OCIAD1: variants seen among roughly 807,000 people sequenced by gnomAD.
OCIAD1 encodes the protein OCIA domain containing 1.
In OCIAD1, 29 loss-of-function variants were observed where a neutral mutation model predicts 38.9. The observed-to-expected ratio is 0.74, with a 90% CI of 0.55 to 1.02. OCIAD1 has a LOEUF of 1.02. Ranked by LOEUF, OCIAD1 falls within the 50% of genes least tolerant of loss-of-function variation. The probability of loss-of-function intolerance (pLI) is 0.00; values close to 1 mark genes in which losing one functional copy is unlikely to be tolerated. For synonymous variants in OCIAD1, 110 were observed against 92.0 expected (o/e 1.20, Z -1.12); for missense variants, 288 against 289.6 (o/e 0.99, Z 0.04).
chr4:48,851,774 ATTTC>A (rs1202781357), intron 6 of OCIAD1, 28 bp from the exon 7 acceptor site: 2 of 1,328,046 alleles, frequency 1.5e-6, no homozygotes, highest in African/African-American at 1.4e-5. Context: ...AATGACTCAT[ATTTC>A]TTACTACAAT....
intron 7 of OCIAD1, among the ~76,000 whole-genome samples, chr4:48,854,700 C>T (rs1182808825): frequency 1.3e-5 from 2 of 152,176 alleles, no homozygotes; most frequent in Non-Finnish European, 2.9e-5. Flanking sequence ...GCCTTCTGAC[C>T]CCCTTCTCTA....
chr4:48,853,122 G>A (rs11724391), intron 7 of OCIAD1, among the ~76,000 whole-genome samples: 3,741 of 151,766 alleles, frequency 0.025, 57 homozygotes, highest in South Asian at 0.067. Context: ...CTCGTGATCC[G>A]CCCGCCTCGG....
At chr4:48,818,206 C>T (rs113880950) in intron 1 of OCIAD1, among the ~76,000 whole-genome samples, 63 of 152,264 alleles carry the variant, frequency 4.1e-4, no homozygotes, top group Admixed American at 2.8e-3. Flanking sequence ...CCCTCTGGGA[C>T]GAAACTTCCA....
rs1348928923 is a variant in OCIAD1, at chr4:48,842,948, C to G, written c.193+259C>G. ...TAACTAAACACCAGTATTAGCAGGG[C>G]AAACCTGGTCTAGGTGGGCCAATAG... is the stretch of plus-strand genomic sequence containing the variant. On this transcript the variant is annotated intron_variant, in intron 4 of 8. Coordinates refer to ENST00000264312, the MANE Select transcript of OCIAD1 (RefSeq NM_017830.4). Among the ~76,000 whole-genome samples, 3 of 152,118 alleles carry G rather than the reference C, an allele frequency of 2.0e-5. No homozygotes were observed. The East Asian group carries it at 5.8e-4, about 29-fold the overall frequency.
chr4:48,849,341 T>C (rs1466299745), intron 5 of OCIAD1, among the ~76,000 whole-genome samples: 3 of 152,072 alleles, frequency 2.0e-5, no homozygotes, highest in Admixed American at 2.0e-4. Flanking sequence ...AGAAGCTACA[T>C]TGCTCTTCAA....
chr4:48,818,902 C>G lies in OCIAD1; in HGVS notation c.-102-11675C>G, dbSNP rs575241297. 2.6e-5 allele frequency among the ~76,000 whole-genome samples: 4 copies of G among 152,050 alleles called. No individual in the cohort carries two copies. The South Asian group carries it at 8.3e-4, about 32-fold the overall frequency. On this transcript the variant is annotated intron_variant, in intron 1 of 6. Coordinates refer to the OCIAD1 transcript ENST00000504654. ...AAATAATGAAAAGGAATGAAAAAAA[C>G]CTTCAAGAAATATGTGACTATGTGA... is the stretch of plus-strand genomic sequence containing the variant.
In OCIAD1 at chr4:48,831,118, G is replaced by C; in HGVS notation, c.-137G>C. 3.5e-6 allele frequency: 1 copy of C among 283,220 alleles called. No homozygotes were observed. Among genetic ancestry groups the C allele is most frequent in the South Asian group, 3.2e-5 (1 of 31,610 alleles). The allele number at this position is 283,220 out of a possible 1,614,324, so 17.5% of individuals were successfully genotyped here. ...CCTGTCTGGATGACTTCTTGCGGCTGTTCTACCCCTCCCCCTCCCCGCGGT... is the reference window on the plus strand; with the variant it reads ...CCTGTCTGGATGACTTCTTGCGGCTCTTCTACCCCTCCCCCTCCCCGCGGT... On this transcript the variant is annotated 5_prime_UTR_variant, in exon 1 of 9. Transcript: ENST00000264312.
intron 1 of OCIAD1, among the ~76,000 whole-genome samples, chr4:48,807,298 T>C (rs1392233325): frequency 6.6e-6 from 1 of 151,096 alleles, no homozygotes; most frequent in Non-Finnish European, 1.5e-5. Context: ...CCAGCCTGGG[T>C]GAAGAGCAAG....
chr4:48,837,473 G>T (rs1778110558), intron 3 of OCIAD1, among the ~76,000 whole-genome samples: 1 of 150,840 alleles, frequency 6.6e-6, no homozygotes, highest in Admixed American at 6.6e-5. Context: ...TTGTATTTTT[G>T]GTAGAGAAGG....
chr4:48,852,891 T>TTTTGTTTTTTTTG (rs1553901219), intron 7 of OCIAD1, among the ~76,000 whole-genome samples: 1 of 144,358 alleles, frequency 6.9e-6, no homozygotes, highest in African/African-American at 2.7e-5. Flanking sequence ...TGTTTTTTTT[T>TTTTGTTTTTTTTG]TTTTTTTTGA....
intron 3 of OCIAD1, among the ~76,000 whole-genome samples, chr4:48,837,756 G>A (rs1350995150): frequency 6.6e-6 from 1 of 151,874 alleles, no homozygotes; most frequent in Non-Finnish European, 1.5e-5. Context: ...GTGTGATAGA[G>A]GGGATTTGGG....
chr4:48,815,137 C>A lies in OCIAD1; in HGVS notation c.-103+9807C>A, dbSNP rs993042037. ...GACCAGTCTGGCCAACATAGTGAAACCCCATCTCTACTAAAAATACAAAAA... is the reference window on the plus strand; with the variant it reads ...GACCAGTCTGGCCAACATAGTGAAAACCCATCTCTACTAAAAATACAAAAA... On this transcript the variant is annotated intron_variant, in intron 1 of 6. Transcript: ENST00000504654. 9.2e-5 allele frequency among the ~76,000 whole-genome samples: 14 copies of A among 152,128 alleles called. 1 individual carries two copies. Among genetic ancestry groups the A allele is most frequent in the Middle Eastern group, 3.4e-3 (1 of 294 alleles).
At chr4:48,829,707 A>G (rs998587302), upstream of OCIAD1, among the ~76,000 whole-genome samples, 2 of 152,192 alleles carry the variant, frequency 1.3e-5, no homozygotes, top group African/African-American at 4.8e-5. Flanking sequence ...GGGAACAGCA[A>G]TTGCACAAGC....
Position 48,847,577 on chromosome 4 carries a change from G to T in OCIAD1, c.194-822G>T, listed in dbSNP as rs1779077816. ...AAATTTTTAAGCCATCTGGATTATTGTTCGATGTAGGATCAAGGTACATTT... is the reference window on the plus strand; with the variant it reads ...AAATTTTTAAGCCATCTGGATTATTTTTCGATGTAGGATCAAGGTACATTT... On this transcript the variant is annotated intron_variant, in intron 4 of 8. Coordinates refer to ENST00000264312, the MANE Select transcript of OCIAD1 (RefSeq NM_017830.4). Among the ~76,000 whole-genome samples the T allele has an allele frequency of 2.6e-5, 4 of 152,098 alleles. No individual in the cohort carries two copies. The South Asian group carries it at 8.3e-4, about 32-fold the overall frequency.
intron 8 of OCIAD1, among the ~76,000 whole-genome samples, chr4:48,859,176 GTT>G (rs1476547002): frequency 6.6e-6 from 1 of 151,992 alleles, no homozygotes; most frequent in Non-Finnish European, 1.5e-5. Flanking sequence ...TTGGAGTTCT[GTT>G]TTTATAACAA....
At position 48,855,162 on chromosome 4, in the gene OCIAD1, T is replaced by C. The variant is rs139740410; in HGVS notation, c.548-2051T>C. Among the ~76,000 whole-genome samples the C allele has an allele frequency of 4.7e-3, 723 of 152,294 alleles. 6 individuals are homozygous for C. The highest frequency in any genetic ancestry group is 0.017 in the African/African-American group (692 of 41,562). On this transcript the variant is annotated intron_variant, in intron 7 of 8. Transcript: ENST00000264312. ...CAGAGATCATCTGCTCAAACTACCA[T>C]ATTTCGCAATTGAGAAAACCAGGAT...
At position 48,857,408 on chromosome 4, in the gene OCIAD1, A is replaced by G. The variant is rs1475812930; in HGVS notation, c.700+43A>G. The G allele has an allele frequency of 4.7e-6, 6 of 1,275,416 alleles. No homozygotes were observed. In the African/African-American group the frequency reaches 9.2e-5, roughly 19 times the overall value. The allele number at this position is 1,275,416 out of a possible 1,614,324, so 79.0% of individuals were successfully genotyped here. A position where few individuals can be genotyped will look rare whatever the true frequency, so the allele number is the denominator to read the frequency against. On this transcript the variant is annotated intron_variant, in intron 8 of 8. Coordinates refer to ENST00000264312, the MANE Select transcript of OCIAD1 (RefSeq NM_017830.4). ...GAATCACTTTACTGTTGAGGATTGG[A>G]AACTAAAACATTACTTTAAAACAAT...
chr4:48,840,045 CT>C (rs1778381209), intron 3 of OCIAD1, among the ~76,000 whole-genome samples: 1 of 152,156 alleles, frequency 6.6e-6, no homozygotes, highest in Non-Finnish European at 1.5e-5. Flanking sequence ...CTCTTTCAGT[CT>C]TACCATTGTC....
chr4:48,835,473 A>C (rs1407660010), intron 3 of OCIAD1, among the ~76,000 whole-genome samples: 1 of 152,208 alleles, frequency 6.6e-6, no homozygotes, highest in Non-Finnish European at 1.5e-5. Flanking sequence ...TCTGTAACAT[A>C]AGGTGGAATA....
Sources: allele counts gnomAD v4.1 joint callset (sites outside exome capture counted in the v4.1 genomes callset), GRCh38; gene constraint gnomAD v4.1.1; transcripts MANE v1.5; gene names NCBI Gene and HGNC (gene_info 2026-07-23, HGNC 2026-07-21).